DPP6: variants seen among roughly 807,000 people sequenced by gnomAD.
DPP6 encodes the protein A-type potassium channel modulatory protein DPP6.
In DPP6, 69 loss-of-function variants were observed where a neutral mutation model predicts 122.6. The ratio of observed to expected loss-of-function variants is 0.56; its 90% CI spans 0.46 to 0.69. The LOEUF is 0.69. Ranked by LOEUF, DPP6 falls within the 30% of genes least tolerant of loss-of-function variation. The probability of loss-of-function intolerance (pLI) is 0.00; values close to 1 mark genes in which losing one functional copy is unlikely to be tolerated. For synonymous variants in DPP6, 418 were observed against 433.1 expected, an observed-to-expected ratio of 0.97 and a Z score of 0.43; for missense variants, 928 against 1,116.9, an observed-to-expected ratio of 0.83 and a Z score of 2.41.
At chr7:154,874,370 C>T (rs1185949194) in intron 19 of DPP6, among the ~76,000 whole-genome samples, 4 of 152,324 alleles carry the variant, frequency 2.6e-5, no homozygotes, top group Middle Eastern at 3.4e-3. Context: ...CTGCTGAGCT[C>T]GGACGGGACC....
upstream of DPP6, among the ~76,000 whole-genome samples, chr7:154,051,233 G>C (rs1800292220): frequency 1.7e-5 from 2 of 119,770 alleles, 1 homozygote; most frequent in Non-Finnish European, 3.7e-5. Flanking sequence ...GGAGGCGGCG[G>C]AATGGGCAGG....
At chr7:154,448,522 C>T (rs1355659499) in intron 2 of DPP6, among the ~76,000 whole-genome samples, 1 of 152,132 alleles carries the variant, frequency 6.6e-6, no homozygotes, top group Admixed American at 6.5e-5. Context: ...TGTGCAGATT[C>T]AACCAAATCT....
intron 1 of DPP6, among the ~76,000 whole-genome samples, chr7:154,100,934 G>T (rs1473168204): frequency 1.4e-5 from 2 of 143,490 alleles, no homozygotes; most frequent in Non-Finnish European, 3.1e-5. Context: ...GCCCTTCCTC[G>T]TCAAGACCCC....
intron 1 of DPP6, among the ~76,000 whole-genome samples, chr7:153,935,075 A>G (rs1315397183): frequency 2.6e-5 from 4 of 152,202 alleles, no homozygotes; most frequent in African/African-American, 9.6e-5. Context: ...ATGTCCTGAC[A>G]TAACGCTGTG....
chr7:154,095,053 C>T (rs1805227718), intron 1 of DPP6: 1 of 152,178 alleles, frequency 6.6e-6, no homozygotes, highest in Admixed American at 6.5e-5. Flanking sequence ...ATGTGCTGCC[C>T]AGGCTGGGTT....
chr7:154,822,452 A>C (rs1799855220), intron 16 of DPP6, among the ~76,000 whole-genome samples: 1 of 152,168 alleles, frequency 6.6e-6, no homozygotes, highest in Non-Finnish European at 1.5e-5. Context: ...TGATTTAATC[A>C]TACCCTAAGG....
chr7:154,309,045 C>T (rs1439029715), intron 1 of DPP6, among the ~76,000 whole-genome samples: 1 of 152,240 alleles, frequency 6.6e-6, no homozygotes, highest in Non-Finnish European at 1.5e-5. Flanking sequence ...GGACCCCACA[C>T]ATGCACTCGT....
rs1030712836 is a variant in DPP6 at position 154,821,672 on chromosome 7, A to G, written c.1666+14560A>G. Among the ~76,000 whole-genome samples, 4 of 147,342 alleles carry G rather than the reference A, an allele frequency of 2.7e-5. No homozygotes were observed. Among genetic ancestry groups the G allele is most frequent in the Non-Finnish European group, 5.9e-5 (4 of 67,320 alleles). On this transcript the variant is annotated intron_variant, in intron 16 of 25. Transcript: ENST00000377770. This position sits in a 1 kb window ranked among gnomAD's most constrained non-coding sequence, Gnocchi z 4.2. ...CACATATATATATATATACACATAT[A>G]TATATACACACACATATATATATAC...
the DPP6 span, among the ~76,000 whole-genome samples, chr7:153,853,450 A>C: frequency 1.3e-5 from 2 of 152,356 alleles, no homozygotes; most frequent in East Asian, 3.9e-4. Context: ...CCCTTGAACT[A>C]GAAACCTGGG....
At chr7:153,879,023 A>G in the DPP6 span, among the ~76,000 whole-genome samples, 271 of 152,294 alleles carry the variant, frequency 1.8e-3, no homozygotes, top group Non-Finnish European at 3.1e-3. Flanking sequence ...AAGCTGGAAA[A>G]GTAAGTAATG....
At chr7:154,773,484 G>A (rs997489641) in intron 10 of DPP6, among the ~76,000 whole-genome samples, 13 of 152,266 alleles carry the variant, frequency 8.5e-5, no homozygotes, top group Non-Finnish European at 1.6e-4. Context: ...ATTTAGGATC[G>A]AATGTAGTGA....
intron 7 of DPP6, among the ~76,000 whole-genome samples, chr7:154,698,472 C>A (rs1471610418): frequency 6.6e-6 from 1 of 152,136 alleles, no homozygotes; most frequent in African/African-American, 2.4e-5. Context: ...TGCTCACCAG[C>A]ATCAGGTGAA....
intron 3 of DPP6, among the ~76,000 whole-genome samples, chr7:154,537,414 T>A (rs1468539156): frequency 6.6e-6 from 1 of 152,204 alleles, no homozygotes; most frequent in Admixed American, 6.5e-5. Context: ...TTAGAGAGGA[T>A]GTGAGTTATG....
chr7:154,614,822 C>T (rs1282359972), intron 5 of DPP6, among the ~76,000 whole-genome samples: 1 of 152,186 alleles, frequency 6.6e-6, no homozygotes, highest in African/African-American at 2.4e-5. Flanking sequence ...TTATAGAGAA[C>T]TTGCCTTTGA....
chr7:154,235,524 T>A (rs976340345), intron 1 of DPP6, among the ~76,000 whole-genome samples: 7 of 147,240 alleles, frequency 4.8e-5, no homozygotes, highest in African/African-American at 1.9e-4. Flanking sequence ...CTCTAAGTGA[T>A]AATTAAAAGC....
Position 154,814,262 on chromosome 7 carries a change from G to A in DPP6, c.1666+7150G>A, listed in dbSNP as rs190996484. ...GATTCCTTGAAATTTATATTCTAGC[G>A]TAAATATATCTACTTAGAATTCCCT... On this transcript the variant is annotated intron_variant, in intron 16 of 25. Coordinates refer to ENST00000377770, the MANE Select transcript of DPP6 (RefSeq NM_130797.4). Among the ~76,000 whole-genome samples the A allele has an allele frequency of 5.1e-3, 770 of 152,144 alleles. 9 individuals are homozygous for A. The highest frequency in any genetic ancestry group is 0.017 in the African/African-American group (710 of 41,490).
the DPP6 span, among the ~76,000 whole-genome samples, chr7:153,802,870 C>T: frequency 6.6e-6 from 1 of 152,180 alleles, no homozygotes; most frequent in Non-Finnish European, 1.5e-5. Flanking sequence ...CACTTTTCAT[C>T]ACTGTGGTGG....
intron 1 of DPP6, among the ~76,000 whole-genome samples, chr7:154,137,096 C>G (rs1585459204): frequency 1.3e-5 from 2 of 152,120 alleles, no homozygotes; most frequent in East Asian, 3.9e-4. Flanking sequence ...TTGTTAGTTC[C>G]TTATAATCCC....
At chr7:154,248,117 C>T (rs1286164383) in intron 1 of DPP6, among the ~76,000 whole-genome samples, 1 of 152,132 alleles carries the variant, frequency 6.6e-6, no homozygotes, top group Non-Finnish European at 1.5e-5. Flanking sequence ...AGAGAGCTCT[C>T]TGGGGCCCCT....
Sources: gnomAD v4.1 joint callset for allele counts (sites outside exome capture counted in the v4.1 genomes callset) on GRCh38, gnomAD v4.1.1 for gene constraint, Gnocchi (gnomAD v3.1) non-coding constraint, MANE v1.5 for transcripts, NCBI Gene and HGNC (gene_info 2026-07-23, HGNC 2026-07-21) for gene names.